The following GLT1D1 variants were observed in gnomAD, a reference collection of about 807,000 sequenced individuals.
GLT1D1 encodes glycosyltransferase 1 domain containing 1.
GLT1D1 carries 21 observed loss-of-function variants against 28.7 expected under a neutral mutation model. The observed-to-expected ratio is 0.73, with a 90% CI of 0.52 to 1.05. The LOEUF is 1.05. GLT1D1 is among the 50% of genes least tolerant of loss of function. The probability of loss-of-function intolerance (pLI) is 0.00; values close to 1 mark genes in which losing one functional copy is unlikely to be tolerated. For synonymous variants in GLT1D1, 147 were observed against 124.8 expected (o/e 1.18, Z -1.19); for missense variants, 343 against 330.6 (o/e 1.04, Z -0.29).
At chr12:128,941,570 T>C (rs1408316049) in intron 4 of GLT1D1, among the ~76,000 whole-genome samples, 4 of 46,280 alleles carry the variant, frequency 8.6e-5, no homozygotes, top group Non-Finnish European at 1.4e-4. Flanking sequence ...TCTCTTTCTC[T>C]TTTTTTTTTT....
chr12:128,865,458 C>T (rs112993603), intron 1 of GLT1D1, among the ~76,000 whole-genome samples: 267 of 152,100 alleles, frequency 1.8e-3, no homozygotes, highest in African/African-American at 5.9e-3. Context: ...GTCAGTATTC[C>T]GTATCTGTGG....
chr12:128,905,538 C>A (rs558686588), intron 4 of GLT1D1, among the ~76,000 whole-genome samples: 2 of 152,332 alleles, frequency 1.3e-5, no homozygotes, highest in South Asian at 4.1e-4. Context: ...GATCGCCTAC[C>A]TATCTCTGGC....
At chr12:128,962,891 C>T (rs976563381) in intron 7 of GLT1D1, among the ~76,000 whole-genome samples, 3 of 152,000 alleles carry the variant, frequency 2.0e-5, no homozygotes, top group South Asian at 2.1e-4. Flanking sequence ...TCAGTAGAGA[C>T]GGGTTTCACC....
At chr12:128,955,710 T>C (rs1349593223) in intron 6 of GLT1D1, among the ~76,000 whole-genome samples, 1 of 152,058 alleles carries the variant, frequency 6.6e-6, no homozygotes, top group Non-Finnish European at 1.5e-5. Flanking sequence ...TGGATTTACA[T>C]CCTATTTCCA....
intron 7 of GLT1D1, among the ~76,000 whole-genome samples, chr12:128,959,803 T>C (rs777256435): frequency 2.6e-5 from 4 of 152,188 alleles, no homozygotes; most frequent in Non-Finnish European, 4.4e-5. Context: ...TGAATATTAA[T>C]ATCCGCTCTG....
intron 4 of GLT1D1, among the ~76,000 whole-genome samples, chr12:128,939,493 A>G (rs1874906687): frequency 6.6e-6 from 1 of 151,722 alleles, no homozygotes; most frequent in Non-Finnish European, 1.5e-5. Context: ...AGGCCGAGGC[A>G]GGAGGATCAC....
chr12:128,861,836 G>A (rs577302758), intron 1 of GLT1D1, among the ~76,000 whole-genome samples: 2 of 152,198 alleles, frequency 1.3e-5, no homozygotes, highest in East Asian at 1.9e-4. Flanking sequence ...GCATCATTCT[G>A]AATTCTCTGT....
chr12:128,902,170 T>C (rs1593106429), intron 4 of GLT1D1, among the ~76,000 whole-genome samples: 1 of 151,610 alleles, frequency 6.6e-6, no homozygotes, highest in African/African-American at 2.4e-5. Context: ...GGTAGACCAA[T>C]GGACTTTAAT....
At chr12:128,918,824 C>T (rs1203787954) in intron 4 of GLT1D1, among the ~76,000 whole-genome samples, 2 of 152,218 alleles carry the variant, frequency 1.3e-5, no homozygotes, top group Non-Finnish European at 2.9e-5. Context: ...GATTTGTCAT[C>T]ACATTCCATA....
chr12:128,908,607 G>C (rs911075205), intron 4 of GLT1D1, among the ~76,000 whole-genome samples: 1 of 150,830 alleles, frequency 6.6e-6, no homozygotes, highest in Non-Finnish European at 1.5e-5. Flanking sequence ...GCTGGGCTCT[G>C]TATGGTGGCT....
chr12:128,979,666 T>G (rs1341342677), intron 7 of GLT1D1, among the ~76,000 whole-genome samples: 1 of 151,814 alleles, frequency 6.6e-6, no homozygotes, highest in African/African-American at 2.4e-5. Context: ...GGTGGGAGGA[T>G]CTCTTGAGCC....
At chr12:128,853,807 GGGCGCGCGGGGGTCGGTGCCTTCTGCGT>G (rs1219666896) in intron 1 of GLT1D1, among the ~76,000 whole-genome samples, 158 bp downstream of exon 1, 4 of 151,840 alleles carry the variant, frequency 2.6e-5, no homozygotes, top group Admixed American at 6.6e-5. Context: ...GCCGCCTGCC[GGGCGCGCGGGGGTCGGTGCCTTCTGCGT>G]GGCGCGCGTG....
At chr12:128,972,539 T>C (rs1879286362) in intron 7 of GLT1D1, among the ~76,000 whole-genome samples, 1 of 152,178 alleles carries the variant, frequency 6.6e-6, no homozygotes. Flanking sequence ...GAGGCTAACA[T>C]GTTCTGGGAG....
intron 4 of GLT1D1, chr12:128,906,764 C>A: frequency 2.6e-6 from 1 of 385,084 alleles, no homozygotes; most frequent in East Asian, 4.0e-5. Context: ...TCACCCCCTT[C>A]TGGGGCCTAA....
chr12:128,944,758 C>G (rs890612749), intron 4 of GLT1D1: 7 of 512,430 alleles, frequency 1.4e-5, no homozygotes, highest in Admixed American at 2.8e-5. Flanking sequence ...GGATGAGTTT[C>G]CCTTGGTCAA....
At chr12:128,946,828 T>G (rs1253691159) in intron 5 of GLT1D1, among the ~76,000 whole-genome samples, 1 of 151,468 alleles carries the variant, frequency 6.6e-6, no homozygotes, top group Non-Finnish European at 1.5e-5. Flanking sequence ...TTTGTATTTT[T>G]AGTAGAGACG....
rs539915953 is a variant in GLT1D1, at chr12:128,914,151, ATT to A, written c.375+14873_375+14874del. 5.4e-3 allele frequency among the ~76,000 whole-genome samples: 813 copies of A among 149,844 alleles called. 9 individuals are homozygous for A. Among genetic ancestry groups the A allele is most frequent in the African/African-American group, 0.018 (755 of 40,866 alleles). On this transcript the variant is annotated intron_variant, in intron 4 of 7. Coordinates refer to ENST00000281703, the MANE Select transcript of GLT1D1 (RefSeq NM_144669.3). The stretch of plus-strand genomic sequence containing the variant: ...TGAATTTCTAAATTGTAAAATAGTC[ATT>A]TTTTTTTTCAGCAAAAATTAAATGT...
chr12:128,912,732 G>A (rs892897680), intron 4 of GLT1D1, among the ~76,000 whole-genome samples: 1 of 151,624 alleles, frequency 6.6e-6, no homozygotes, highest in Non-Finnish European at 1.5e-5. Context: ...GTGCGATCTC[G>A]GCTTACTGCA....
Position 128,947,407 on chromosome 12 carries a change from C to T in GLT1D1, c.489C>T (p.Phe163=), listed in dbSNP as rs12581064. 3.4e-3 allele frequency: 5,459 copies of T among 1,614,022 alleles called. 226 individuals carry two copies. The East Asian group carries it at 0.098, about 29-fold the overall frequency. ...TGCACGCGGTGGTGAAGAATTGCTTCGCGGTGGTGAATAGCTCTGTCTCTG... is the reference window on the plus strand; with the variant it reads ...TGCACGCGGTGGTGAAGAATTGCTTTGCGGTGGTGAATAGCTCTGTCTCTG... Residue 163 remains phenylalanine (F), a synonymous_variant, in exon 6 of 8, where the codon TTC becomes TTT. Transcript: ENST00000281703.
Sources: gnomAD v4.1 joint callset for allele counts (sites outside exome capture counted in the v4.1 genomes callset) on GRCh38, gnomAD v4.1.1 for gene constraint, MANE v1.5 for transcripts, NCBI Gene and HGNC (gene_info 2026-07-23, HGNC 2026-07-21) for gene names.